The following OC90 variants were observed in gnomAD, a reference collection of about 807,000 sequenced individuals.
The protein encoded by OC90 is otoconin-90.
Under a neutral mutation model 47.3 loss-of-function variants are expected in OC90, and 46 were observed. The observed-to-expected ratio is 0.97, with a 90% confidence interval of 0.77 to 1.24. The LOEUF is 1.24. Ranked by LOEUF, OC90 falls within the 50% of genes most tolerant of loss-of-function variation. The pLI is 0.00. For missense variants in OC90, 688 were observed against 583.9 expected (o/e 1.18, Z -1.84); for synonymous variants, 271 against 219.5 (o/e 1.23, Z -2.07).
At chr8:132,051,613 A>G (rs1411658307) in intron 2 of OC90, among the ~76,000 whole-genome samples, 1 of 152,228 alleles carries the variant, frequency 6.6e-6, no homozygotes, top group East Asian at 1.9e-4. Context: ...ATCACAGGAC[A>G]TTGTGAGATT....
intron 11 of OC90, 92 bp downstream of exon 11, chr8:132,032,947 G>C: frequency 7.2e-7 from 1 of 1,387,440 alleles, no homozygotes; most frequent in South Asian, 1.3e-5. Flanking sequence ...CCCATGAGAA[G>C]GTCACAGTGT....
intron 3 of OC90, among the ~76,000 whole-genome samples, chr8:132,044,852 T>C (rs1432918419): frequency 1.3e-5 from 2 of 152,218 alleles, no homozygotes; most frequent in South Asian, 2.1e-4. Flanking sequence ...CTAGAAATTA[T>C]ACCCACGAGG....
Position 132,031,949 on chromosome 8 carries a change from C to T in OC90, c.963G>A (p.Glu321=), listed in dbSNP as rs1822882869. ...MLFCLTSRCP[E]EFESYGCYCG... is the part of the protein sequence containing the mutation. ...AGTAACAGCCATAAGACTCAAATTC[C>T]TCCGGGCACCGGGATGTCAGACAAA... The change falls in exon 12 of 14, where the codon GAG becomes GAA. Residue 321 remains glutamate (E), a synonymous_variant. Coordinates refer to ENST00000254627, the MANE Select transcript of OC90 (RefSeq NM_001080399.3). 2 of 1,614,052 alleles carry T rather than the reference C, an allele frequency of 1.2e-6. No homozygotes were observed. Among genetic ancestry groups the T allele is most frequent in the Non-Finnish European group, 1.7e-6 (2 of 1,179,888 alleles).
intron 12 of OC90, 41 bp from the exon 13 acceptor site, chr8:132,029,220 C>A: frequency 6.6e-7 from 1 of 1,507,650 alleles, no homozygotes; most frequent in Non-Finnish European, 9.2e-7. Flanking sequence ...GAGCTCCTGG[C>A]TTCCCTAGGA....
chr8:132,026,602 G>C (rs1822762029), intron 13 of OC90, among the ~76,000 whole-genome samples: 3 of 152,166 alleles, frequency 2.0e-5, no homozygotes, highest in African/African-American at 7.2e-5. Context: ...CTGGCATCTG[G>C]TACAGGAGGC....
At position 132,033,140 on chromosome 8, in the gene OC90, CT is replaced by C. The variant is rs1392676569; in HGVS notation, c.757del (p.Arg253GlyfsTer7). ...PPGSAEIVAT[R>X]VTAKIVTLVP... is the part of the protein sequence containing the mutation. ...AAGGGTTACAATTTTAGCTGTAACC[CT>C]TGTTGCAACTATCTCTGCAGATCCT... On this transcript the variant is annotated frameshift_variant, in exon 11 of 14. Transcript: ENST00000254627. LOFTEE classifies it high-confidence loss of function. 6.2e-7 allele frequency: 1 copy of C among 1,606,448 alleles called. No homozygotes were observed. Among genetic ancestry groups the C allele is most frequent in the South Asian group, 1.1e-5 (1 of 89,220 alleles).
chr8:132,043,800 G>C (rs1823092317), intron 4 of OC90, among the ~76,000 whole-genome samples: 1 of 152,184 alleles, frequency 6.6e-6, no homozygotes, highest in South Asian at 2.1e-4. Flanking sequence ...AACTTACAAG[G>C]CACCTGCACT....
Position 132,041,709 on chromosome 8 carries a change from T to TG in OC90, c.170-11dup. ...TGGGGGCCCAGGCAATCTGTGGGGGTGGGGGGCAGGGCCTGATAAGCACTG... is the reference window on the plus strand; with the variant it reads ...TGGGGGCCCAGGCAATCTGTGGGGGTGGGGGGGCAGGGCCTGATAAGCACTG... On this transcript the variant is annotated splice_polypyrimidine_tract_variant and intron_variant, in intron 4 of 13. Coordinates refer to ENST00000254627, the MANE Select transcript of OC90 (RefSeq NM_001080399.3). 1 of 566,040 alleles carries TG rather than the reference T, an allele frequency of 1.8e-6. No homozygotes were observed. Among genetic ancestry groups the TG allele is most frequent in the Non-Finnish European group, 2.8e-6 (1 of 355,140 alleles). 35.1% of individuals were successfully genotyped at this position (566,040 alleles called of 1,614,324 possible). A position where few individuals can be genotyped will look rare whatever the true frequency, so the allele number is the denominator to read the frequency against.
intron 13 of OC90, among the ~76,000 whole-genome samples, chr8:132,027,360 C>T (rs1273004951): frequency 6.6e-6 from 1 of 152,148 alleles, no homozygotes; most frequent in African/African-American, 2.4e-5. Flanking sequence ...GATATGTAAA[C>T]ACAAAGCTCC....
intron 13 of OC90, among the ~76,000 whole-genome samples, chr8:132,025,450 G>T (rs1822742614): frequency 6.6e-6 from 1 of 152,204 alleles, no homozygotes; most frequent in African/African-American, 2.4e-5. Flanking sequence ...TTCTGAGGGT[G>T]CTAGACCAGT....
chr8:132,032,972 C>A, intron 11 of OC90, 67 bp downstream of exon 11: 2 of 1,546,934 alleles, frequency 1.3e-6, no homozygotes, highest in South Asian at 1.2e-5. Context: ...AGGTGGCCTA[C>A]GGTGATTGTT....
chr8:132,041,703 TGG>T lies in OC90; in HGVS notation c.170-6_170-5del. ...GTGAAGTGGGGGCCCAGGCAATCTGTGGGGGTGGGGGGCAGGGCCTGATAAGC... is the reference window on the plus strand; with the variant it reads ...GTGAAGTGGGGGCCCAGGCAATCTGTGGGTGGGGGGCAGGGCCTGATAAGC... On this transcript the variant is annotated splice_region_variant and splice_polypyrimidine_tract_variant and intron_variant, in intron 4 of 13. Transcript: ENST00000254627. The T allele has an allele frequency of 1.6e-6, 1 of 613,452 alleles. No homozygotes were observed. The highest frequency in any genetic ancestry group is 2.4e-6 in the Non-Finnish European group (1 of 415,562). 38.0% of individuals were successfully genotyped at this position (613,452 alleles called of 1,614,324 possible). A position where few individuals can be genotyped will look rare whatever the true frequency, so the allele number is the denominator to read the frequency against.
chr8:132,051,374 C>G (rs1823210594), intron 2 of OC90, among the ~76,000 whole-genome samples: 1 of 152,254 alleles, frequency 6.6e-6, no homozygotes, highest in African/African-American at 2.4e-5. Context: ...TAGCCAAGCT[C>G]AAGGACACCT....
At chr8:132,058,813 G>A (rs560741406) in intron 1 of OC90, among the ~76,000 whole-genome samples, 1 of 152,216 alleles carries the variant, frequency 6.6e-6, no homozygotes, top group South Asian at 2.1e-4. Flanking sequence ...GGCTATGTAG[G>A]ATCCTCACTA....
At chr8:132,028,525 GAAA>G (rs1168222083) in intron 13 of OC90, among the ~76,000 whole-genome samples, 1 of 61,746 alleles carries the variant, frequency 1.6e-5, no homozygotes, top group African/African-American at 7.5e-5. Flanking sequence ...AAGAAAGAAA[GAAA>G]AGAAAGAAAG....
At position 132,039,194 on chromosome 8, in the gene OC90, A is replaced by G. The variant is rs868727897; in HGVS notation, c.458-71T>C. 26 of 1,510,030 alleles carry G rather than the reference A, an allele frequency of 1.7e-5. No homozygotes were observed. The Middle Eastern group carries it at 1.0e-3, about 59-fold the overall frequency. 93.5% of individuals were successfully genotyped at this position (1,510,030 alleles called of 1,614,324 possible). ...ATCCCAAGAGGTAATGCAAGCTCCA[A>G]GACTGAGTTCCTCATCTCCCCTGCC... On this transcript the variant is annotated intron_variant, in intron 6 of 13. Transcript: ENST00000254627.
chr8:132,045,334 C>T (rs1427063307), intron 3 of OC90, among the ~76,000 whole-genome samples: 1 of 152,188 alleles, frequency 6.6e-6, no homozygotes, highest in African/African-American at 2.4e-5. Flanking sequence ...GCATTATGGT[C>T]TTCAGCCATG....
chr8:132,028,526 A>AAAACAAAGAAAGAAAGAAAG (rs1822797123), intron 13 of OC90, among the ~76,000 whole-genome samples: 1 of 87,470 alleles, frequency 1.1e-5, no homozygotes, highest in African/African-American at 5.1e-5. Context: ...AGAAAGAAAG[A>AAAACAAAGAAAGAAAGAAAG]AAAGAAAGAA....
chr8:132,026,953 C>T lies in OC90; in HGVS notation c.1138+2120G>A, dbSNP rs374538863. On this transcript the variant is annotated intron_variant, in intron 13 of 13. Transcript: ENST00000254627. ...TTTCTGTTCCAGCAATACAGAACCA[C>T]AGCTCAGTTGTCCCTACACTGCCCA... Among the ~76,000 whole-genome samples, 33 of 152,248 alleles carry T rather than the reference C, an allele frequency of 2.2e-4. No homozygotes were observed. The East Asian group carries it at 2.9e-3, about 13-fold the overall frequency.
Sources: gnomAD v4.1 joint callset for allele counts (sites outside exome capture counted in the v4.1 genomes callset) on GRCh38, gnomAD v4.1.1 for gene constraint, MANE v1.5 for transcripts, NCBI Gene and HGNC (gene_info 2026-07-23, HGNC 2026-07-21) for gene names.